RBMS3: variants seen among roughly 807,000 people sequenced by gnomAD.
RBMS3 encodes RNA binding motif single stranded interacting protein 3, also known as RNA-binding motif, single-stranded-interacting protein 3.
RBMS3 carries 27 observed loss-of-function variants against 66.8 expected under a neutral mutation model. The ratio of observed to expected loss-of-function variants is 0.40; its 90% CI spans 0.30 to 0.56. RBMS3 has a LOEUF of 0.56. RBMS3 is among the 20% of genes least tolerant of loss of function. RBMS3 has a pLI of 0.40. For synonymous variants in RBMS3, 188 were observed against 183.0 expected, an observed-to-expected ratio of 1.03 and a Z score of -0.22; for missense variants, 513 against 549.5, an observed-to-expected ratio of 0.93 and a Z score of 0.66.
At chr3:29,963,553 C>A (rs886849462) in intron 12 of RBMS3, among the ~76,000 whole-genome samples, 1 of 152,112 alleles carries the variant, frequency 6.6e-6, no homozygotes, top group Non-Finnish European at 1.5e-5. Flanking sequence ...ATTGGCTAAG[C>A]TCGGTGTCTC....
At chr3:29,718,004 G>T (rs946388573) in intron 4 of RBMS3, among the ~76,000 whole-genome samples, 2 of 152,078 alleles carry the variant, frequency 1.3e-5, no homozygotes, top group African/African-American at 4.8e-5. Flanking sequence ...GTCACAGGAG[G>T]ACAATCATAA....
intron 3 of RBMS3, among the ~76,000 whole-genome samples, chr3:29,575,046 T>C (rs1289900365): frequency 2.6e-5 from 4 of 152,194 alleles, no homozygotes; most frequent in Admixed American, 2.6e-4. Flanking sequence ...TATAGTGTTA[T>C]ACAATTCTGT....
intron 3 of RBMS3, among the ~76,000 whole-genome samples, chr3:29,491,175 T>C (rs143845052): frequency 2.0e-5 from 3 of 152,322 alleles, no homozygotes; most frequent in Admixed American, 2.0e-4. Context: ...GCAAATTATA[T>C]AGTGGGAGCG....
At chr3:29,439,481 T>C (rs1371518320) in intron 2 of RBMS3, among the ~76,000 whole-genome samples, 2 of 152,090 alleles carry the variant, frequency 1.3e-5, no homozygotes, top group Admixed American at 6.6e-5. Flanking sequence ...ATATGCATTC[T>C]TTTTTCCGTT....
At chr3:29,367,972 A>C (rs1303125163) in intron 1 of RBMS3, among the ~76,000 whole-genome samples, 1 of 152,200 alleles carries the variant, frequency 6.6e-6, no homozygotes, top group Non-Finnish European at 1.5e-5. Context: ...TTCAACTTGG[A>C]TAGAAATAAG....
chr3:29,576,433 A>G (rs1213355923), intron 3 of RBMS3, among the ~76,000 whole-genome samples: 1 of 152,086 alleles, frequency 6.6e-6, no homozygotes, highest in African/African-American at 2.4e-5. Context: ...TCAGACCTGA[A>G]ACCTGCATAG....
chr3:29,526,966 C>A (rs2148985202), intron 3 of RBMS3, among the ~76,000 whole-genome samples: 1 of 151,988 alleles, frequency 6.6e-6, no homozygotes, highest in African/African-American at 2.4e-5. Flanking sequence ...TTCAACGTGA[C>A]CATTCCTATT....
At chr3:29,810,551 C>A (rs1007332490) in intron 6 of RBMS3, among the ~76,000 whole-genome samples, 1 of 152,108 alleles carries the variant, frequency 6.6e-6, no homozygotes, top group Non-Finnish European at 1.5e-5. Context: ...AATCTCTCAC[C>A]TTCTAAAGCC....
At chr3:29,910,024 A>C in intron 10 of RBMS3, among the ~76,000 whole-genome samples, 1 of 152,146 alleles carries the variant, frequency 6.6e-6, no homozygotes, top group East Asian at 1.9e-4. Context: ...TCATTAGTAA[A>C]GCAGAGTATC....
intron 4 of RBMS3, among the ~76,000 whole-genome samples, chr3:29,705,015 G>A (rs1376623467): frequency 6.6e-6 from 1 of 152,148 alleles, no homozygotes; most frequent in African/African-American, 2.4e-5. Flanking sequence ...TGTTCCAAGG[G>A]GAATGCTTTC....
intron 4 of RBMS3, among the ~76,000 whole-genome samples, chr3:29,676,554 AC>A (rs2051260384): frequency 6.6e-6 from 1 of 152,220 alleles, no homozygotes; most frequent in South Asian, 2.1e-4. Context: ...ATTTTATTAA[AC>A]AACCATCATA....
chr3:29,742,763 T>G (rs2054700761), intron 5 of RBMS3, among the ~76,000 whole-genome samples: 2 of 152,246 alleles, frequency 1.3e-5, no homozygotes, highest in South Asian at 4.1e-4. Context: ...TGACTAGATA[T>G]GTGGCTAGTG....
chr3:29,571,164 G>A (rs1312764986), intron 3 of RBMS3, among the ~76,000 whole-genome samples: 2 of 151,904 alleles, frequency 1.3e-5, no homozygotes, highest in Non-Finnish European at 2.9e-5. Flanking sequence ...GCCCATTTTT[G>A]GTTGGATTAT....
chr3:29,381,056 A>G (rs2038742582), intron 1 of RBMS3, among the ~76,000 whole-genome samples: 1 of 152,108 alleles, frequency 6.6e-6, no homozygotes, highest in East Asian at 1.9e-4. Context: ...ATGTGCAAAA[A>G]GTGCCATTTG....
chr3:29,664,857 G>T (rs1367967467), intron 4 of RBMS3, among the ~76,000 whole-genome samples: 1 of 152,046 alleles, frequency 6.6e-6, no homozygotes, highest in Non-Finnish European at 1.5e-5. Flanking sequence ...ATAGAAAAGA[G>T]TTCTTAGAGG....
chr3:29,535,582 C>G (rs2045521638), intron 3 of RBMS3, among the ~76,000 whole-genome samples: 1 of 151,892 alleles, frequency 6.6e-6, no homozygotes, highest in South Asian at 2.1e-4. Context: ...TTGACAAAAC[C>G]TAGTCTACAT....
At chr3:29,911,248 G>A (rs2060506078) in intron 10 of RBMS3, among the ~76,000 whole-genome samples, 1 of 152,050 alleles carries the variant, frequency 6.6e-6, no homozygotes, top group Non-Finnish European at 1.5e-5. Context: ...TAGATTGTAG[G>A]CAGGGTTTTG....
At chr3:29,348,671 G>A (rs1159576867) in intron 1 of RBMS3, among the ~76,000 whole-genome samples, 1 of 151,744 alleles carries the variant, frequency 6.6e-6, no homozygotes, top group African/African-American at 2.4e-5. Context: ...TCACTAATAA[G>A]TTGAGTAGCA....
At chr3:29,778,847 T>C (rs2056518335) in intron 6 of RBMS3, among the ~76,000 whole-genome samples, 1 of 151,904 alleles carries the variant, frequency 6.6e-6, no homozygotes, top group Non-Finnish European at 1.5e-5. Flanking sequence ...GTTACTTAGG[T>C]GTTAACATTG....
Sources: allele counts gnomAD v4.1 joint callset (sites outside exome capture counted in the v4.1 genomes callset), GRCh38; gene constraint gnomAD v4.1.1; transcripts MANE v1.5; gene names NCBI Gene and HGNC (gene_info 2026-07-23, HGNC 2026-07-21).